Variants in PTPRN2 observed in about 807,000 individuals in gnomAD.
The protein encoded by PTPRN2 is receptor-type tyrosine-protein phosphatase N2.
PTPRN2 carries 74 observed loss-of-function variants against 118.8 expected under a neutral mutation model. The ratio of observed to expected loss-of-function variants is 0.62; its 90% CI spans 0.52 to 0.76. The LOEUF is 0.76. Among genes scored for constraint, PTPRN2 ranks in the 30% least tolerant of loss-of-function variants. The pLI is 0.00. For missense variants in PTPRN2, 1,481 were observed against 1,394.4 expected (o/e 1.06, Z -0.99); for synonymous variants, 641 against 608.0 (o/e 1.05, Z -0.80).
In PTPRN2 at chr7:158,587,673, C is replaced by A; in HGVS notation, c.-4G>T. On this transcript the variant is annotated 5_prime_UTR_variant, in exon 1 of 23. Coordinates refer to ENST00000389418, the MANE Select transcript of PTPRN2 (RefSeq NM_002847.5). ...GCAGCGGGAGCGGCGGCCCCATCCC[C>A]GCGGCCTGGCCGGCGGCGCTCAGTC... 7.5e-7 allele frequency: 1 copy of A among 1,325,040 alleles called. No individual in the cohort carries two copies. The allele number at this position is 1,325,040 out of a possible 1,614,324, so 82.1% of individuals were successfully genotyped here. A position where few individuals can be genotyped will look rare whatever the true frequency, so the allele number is the denominator to read the frequency against.
At chr7:158,572,167 G>C (rs940011719) in intron 1 of PTPRN2, among the ~76,000 whole-genome samples, 2 of 152,170 alleles carry the variant, frequency 1.3e-5, no homozygotes, top group Non-Finnish European at 2.9e-5. Flanking sequence ...GCACATAGTA[G>C]GTATTCAGTA....
intron 3 of PTPRN2, among the ~76,000 whole-genome samples, chr7:158,245,551 G>C (rs1180646389): frequency 6.6e-6 from 1 of 152,162 alleles, no homozygotes; most frequent in African/African-American, 2.4e-5. Flanking sequence ...TCTTGACGTA[G>C]AGTCAGGTCT....
At chr7:158,045,142 C>G (rs1808749888) in intron 11 of PTPRN2, among the ~76,000 whole-genome samples, 1 of 152,170 alleles carries the variant, frequency 6.6e-6, no homozygotes, top group South Asian at 2.1e-4. Flanking sequence ...CCAAAAGCCT[C>G]CATGACTGGA....
In PTPRN2 at chr7:158,563,932, G is replaced by A. The variant is rs1827530932; in HGVS notation, c.112+23626C>T. Among the ~76,000 whole-genome samples the A allele has an allele frequency of 6.6e-6, 1 of 152,234 alleles. No homozygotes were observed. Among genetic ancestry groups the A allele is most frequent in the African/African-American group, 2.4e-5 (1 of 41,460 alleles). Reference sequence around the variant, plus strand: ...AGTAAGTGGTTAGAACTTGGGCTCTGATGCCACAGTGCCTGGGATGTCTAC... The same window carrying A: ...AGTAAGTGGTTAGAACTTGGGCTCTAATGCCACAGTGCCTGGGATGTCTAC... On this transcript the variant is annotated intron_variant, in intron 1 of 22. Transcript: ENST00000389418. This position sits in a 1 kb window ranked among gnomAD's most constrained non-coding sequence, Gnocchi z 5.1.
At position 157,779,253 on chromosome 7, in the gene PTPRN2, G is replaced by T. The variant is rs1427527592; in HGVS notation, c.1789-96316C>A. Among the ~76,000 whole-genome samples, 1 of 152,212 alleles carries T rather than the reference G, an allele frequency of 6.6e-6. No individual in the cohort carries two copies. Among genetic ancestry groups the T allele is most frequent in the Non-Finnish European group, 1.5e-5 (1 of 68,032 alleles). On this transcript the variant is annotated intron_variant, in intron 12 of 22. Coordinates refer to ENST00000389418, the MANE Select transcript of PTPRN2 (RefSeq NM_002847.5). This position sits in a 1 kb window ranked among gnomAD's most constrained non-coding sequence, Gnocchi z 4.7. Reference sequence around the variant, plus strand: ...ATGGGAGCCCCGCCCTGGCTGCCAGGCTTCCCTGGGCAAGGTCAGCAAGGC... The same window carrying T: ...ATGGGAGCCCCGCCCTGGCTGCCAGTCTTCCCTGGGCAAGGTCAGCAAGGC...
chr7:157,954,412 G>A (rs1801046811), intron 11 of PTPRN2, among the ~76,000 whole-genome samples: 1 of 151,364 alleles, frequency 6.6e-6, no homozygotes, highest in African/African-American at 2.4e-5. Context: ...TGTACTGTGT[G>A]TGCTGTGTGG....
intron 3 of PTPRN2, among the ~76,000 whole-genome samples, chr7:158,226,567 G>A (rs1486878350): frequency 1.3e-5 from 2 of 152,168 alleles, no homozygotes; most frequent in Non-Finnish European, 2.9e-5. Context: ...AGCGTGCATG[G>A]TGGTCCCGGC....
intron 10 of PTPRN2, among the ~76,000 whole-genome samples, chr7:158,095,175 C>T (rs570771216): frequency 2.0e-5 from 3 of 151,892 alleles, no homozygotes; most frequent in South Asian, 2.1e-4. Flanking sequence ...TCAGCTCATG[C>T]GCAACGTCTC....
At chr7:157,628,227 C>T (rs1424865374) in intron 14 of PTPRN2, among the ~76,000 whole-genome samples, 2 of 152,186 alleles carry the variant, frequency 1.3e-5, no homozygotes, top group East Asian at 1.9e-4. Context: ...GCCATGAACA[C>T]TTTGAGGGAG....
intron 12 of PTPRN2, among the ~76,000 whole-genome samples, chr7:157,802,797 G>A (rs1025072129): frequency 3.9e-5 from 6 of 152,172 alleles, no homozygotes; most frequent in South Asian, 2.1e-4. Flanking sequence ...GCTCTGATTT[G>A]CATGTTCCTG....
chr7:158,084,024 C>A (rs1051369287), intron 10 of PTPRN2, among the ~76,000 whole-genome samples: 2 of 150,710 alleles, frequency 1.3e-5, no homozygotes, highest in African/African-American at 4.9e-5. Flanking sequence ...CCCTCCTGGG[C>A]CCTTCCGCTG....
chr7:158,488,930 C>T (rs1168979308), intron 2 of PTPRN2, among the ~76,000 whole-genome samples: 1 of 152,362 alleles, frequency 6.6e-6, no homozygotes, highest in East Asian at 1.9e-4. Context: ...GCGTTCAGAG[C>T]GCACAGCGCC....
chr7:157,693,772 C>T (rs572215379), intron 12 of PTPRN2, among the ~76,000 whole-genome samples: 1 of 151,322 alleles, frequency 6.6e-6, no homozygotes, highest in African/African-American at 2.5e-5. Flanking sequence ...CCCGCCAGCC[C>T]GCGGCTCTCC....
chr7:158,411,145 G>A (rs1456956399), intron 2 of PTPRN2, among the ~76,000 whole-genome samples: 6 of 152,032 alleles, frequency 3.9e-5, no homozygotes, highest in Non-Finnish European at 8.8e-5. Flanking sequence ...TCTGTGTCAT[G>A]GGACCCTTCA....
At chr7:158,364,386 A>C (rs1302523315) in intron 2 of PTPRN2, among the ~76,000 whole-genome samples, 2 of 148,324 alleles carry the variant, frequency 1.3e-5, no homozygotes, top group Admixed American at 1.3e-4. Context: ...CCCCATCCTC[A>C]CTTCACCTGC....
In PTPRN2 at chr7:158,489,725, C is replaced by A; in HGVS notation, c.163+10G>T. The A allele has an allele frequency of 6.3e-7, 1 of 1,576,090 alleles. No homozygotes were observed. Among genetic ancestry groups the A allele is most frequent in the Non-Finnish European group, 8.6e-7 (1 of 1,162,404 alleles). On this transcript the variant is annotated intron_variant, in intron 2 of 22. Transcript: ENST00000389418. ...AGACCAGGGCGCAGCAGCCAGGACC[C>A]CACACTCACCGTTCACACAGGCCTC...
intron 5 of PTPRN2, among the ~76,000 whole-genome samples, chr7:158,171,348 T>TATACATAC (rs1554571717): frequency 1.1e-5 from 1 of 90,004 alleles, no homozygotes; most frequent in East Asian, 3.1e-4. Context: ...TATATATATA[T>TATACATAC]ACACACACAC....
intron 3 of PTPRN2, among the ~76,000 whole-genome samples, chr7:158,280,422 G>A (rs370858286): frequency 9.8e-5 from 15 of 152,320 alleles, no homozygotes; most frequent in Admixed American, 8.5e-4. Context: ...CAGGAGCCGC[G>A]GCTCTACCTG....
At chr7:158,122,590 C>G (rs1263731819) in intron 9 of PTPRN2, among the ~76,000 whole-genome samples, 3 of 152,226 alleles carry the variant, frequency 2.0e-5, no homozygotes, top group Non-Finnish European at 4.4e-5. Flanking sequence ...CTCTGGGAAG[C>G]TCCTGTGCTG....
Sources: gnomAD v4.1 joint callset for allele counts (sites outside exome capture counted in the v4.1 genomes callset) on GRCh38, gnomAD v4.1.1 for gene constraint, Gnocchi (gnomAD v3.1) non-coding constraint, MANE v1.5 for transcripts, NCBI Gene and HGNC (gene_info 2026-07-23, HGNC 2026-07-21) for gene names.